Variants in MYT1 observed in about 807,000 individuals in gnomAD.
The protein encoded by MYT1 is myelin transcription factor I.
A neutral mutation model predicts 123.0 loss-of-function variants in MYT1; 23 were observed. The observed-to-expected ratio is 0.19, with a 90% CI of 0.13 to 0.26. The LOEUF (loss-of-function observed/expected upper bound fraction) is 0.26, where lower values mean the gene tolerates loss of function less well. Ranked by LOEUF, MYT1 falls within the 10% of genes least tolerant of loss-of-function variation. The pLI, the probability that MYT1 is intolerant of heterozygous loss-of-function variation, is 1.00. For synonymous variants in MYT1, 518 were observed against 575.3 expected, an observed-to-expected ratio of 0.90 and a Z score of 1.43; for missense variants, 1,125 against 1,472.5, an observed-to-expected ratio of 0.76 and a Z score of 3.86.
chr20:64,205,308 G>C (rs1185815356), intron 5 of MYT1, among the ~76,000 whole-genome samples: 1 of 140,456 alleles, frequency 7.1e-6, no homozygotes, highest in African/African-American at 2.5e-5. Flanking sequence ...CTGACCTCCC[G>C]CGAGGCAGCG....
At chr20:64,179,470 G>A (rs1174322710) in intron 1 of MYT1, among the ~76,000 whole-genome samples, 1 of 152,168 alleles carries the variant, frequency 6.6e-6, no homozygotes, top group African/African-American at 2.4e-5. Context: ...ATATTTGGGG[G>A]GAAGGTACTT....
chr20:64,231,481 C>T lies in MYT1; in HGVS notation c.2676-683C>T, dbSNP rs781334249. On this transcript the variant is annotated intron_variant, in intron 18 of 22. Transcript: ENST00000328439. The surrounding 1 kb of genome is among the most constrained non-coding windows in gnomAD (Gnocchi z 6.4). ...TATCCCTCTCCTGGAACACCCAGAACGAAGGAAAGGAAAACACCATTTAAG... is the reference window on the plus strand; with the variant it reads ...TATCCCTCTCCTGGAACACCCAGAATGAAGGAAAGGAAAACACCATTTAAG... Among the ~76,000 whole-genome samples, 3 of 152,222 alleles carry T rather than the reference C, an allele frequency of 2.0e-5. No homozygotes were observed. The highest frequency in any genetic ancestry group is 7.2e-5 in the African/African-American group (3 of 41,458).
At position 64,221,944 on chromosome 20, in the gene MYT1, G is replaced by T; in HGVS notation, c.2293G>T (p.Val765Leu). 6.2e-7 allele frequency: 1 copy of T among 1,613,844 alleles called. No individual in the cohort carries two copies. Among genetic ancestry groups the T allele is most frequent in the Middle Eastern group, 1.7e-4 (1 of 5,782 alleles). ...TTCTTCTGAAGCAGATGACCAGGAA[G>T]TGTCGGAAGAGAATTTTGAGGAGCG... ...FASSEADDQE[V>L]SEENFEERKY... The change falls in exon 14 of 23, where the codon GTG becomes TTG. Residue 765 changes from valine to leucine, a missense_variant. Val to Leu is a conservative substitution (Grantham distance 32). Around this residue, in one of 4 missense-constraint regions of MYT1, gnomAD observed 429 missense variants for 604.1 expected, o/e 0.71. Transcript: ENST00000328439.
At chr20:64,178,789 C>T (rs1454081593) in intron 1 of MYT1, among the ~76,000 whole-genome samples, 4 of 129,716 alleles carry the variant, frequency 3.1e-5, no homozygotes. Flanking sequence ...TGCCCTTCAA[C>T]GTGGGAGCAC....
At position 64,240,479 on chromosome 20, in the gene MYT1, A is replaced by C; in HGVS notation, c.*31A>C. On this transcript the variant is annotated 3_prime_UTR_variant, in exon 23 of 23. Coordinates refer to ENST00000328439, the MANE Select transcript of MYT1 (RefSeq NM_004535.3). ...GTGGTACCCAGAAGTGTCCCAGCCC[A>C]CCACACCGTTTACCTCCCTCGCCCT... 6.2e-7 allele frequency: 1 copy of C among 1,602,718 alleles called. No homozygotes were observed. The highest frequency in any genetic ancestry group is 8.5e-7 in the Non-Finnish European group (1 of 1,175,490).
At chr20:64,206,374 T>C (rs2145715466) in intron 6 of MYT1, among the ~76,000 whole-genome samples, 1 of 152,240 alleles carries the variant, frequency 6.6e-6, no homozygotes, top group Middle Eastern at 3.4e-3. Flanking sequence ...GTCCCCCACT[T>C]CCTTGTGGGG....
intron 19 of MYT1, 100 bp from the exon 20 acceptor site, chr20:64,236,455 G>A: frequency 1.1e-6 from 1 of 877,944 alleles, no homozygotes; most frequent in Non-Finnish European, 1.8e-6. Context: ...CCCGGGGCTG[G>A]CCGTGGTATG....
In MYT1 at chr20:64,167,128, C is replaced by T. The variant is rs1240828606; in HGVS notation, c.-99+2389C>T. Among the ~76,000 whole-genome samples, 2 of 152,204 alleles carry T rather than the reference C, an allele frequency of 1.3e-5. No homozygotes were observed. Among genetic ancestry groups the T allele is most frequent in the African/African-American group, 4.8e-5 (2 of 41,450 alleles). The stretch of plus-strand genomic sequence containing the variant: ...AGCCTGACTAACTGTCTTCCTGGTG[C>T]TGCTCAGTCTGGTGATGTCTGGGCC... On this transcript the variant is annotated intron_variant, in intron 1 of 22. Coordinates refer to ENST00000328439, the MANE Select transcript of MYT1 (RefSeq NM_004535.3). This position sits in a 1 kb window ranked among gnomAD's most constrained non-coding sequence, Gnocchi z 6.3.
At chr20:64,235,951 G>C (rs1256570151) in intron 19 of MYT1, among the ~76,000 whole-genome samples, 1 of 146,766 alleles carries the variant, frequency 6.8e-6, no homozygotes, top group Non-Finnish European at 1.5e-5. Flanking sequence ...CCCTGGGCTG[G>C]ACGTGGTGGG....
Position 64,166,564 on chromosome 20 carries a change from G to T in MYT1, c.-99+1825G>T, listed in dbSNP as rs557926618. ...CCTCTTCAGAGACCCGAGGCAGGGG[G>T]GCTGCTTCTGTCCAAAGTGCCACTC... On this transcript the variant is annotated intron_variant, in intron 1 of 22. Transcript: ENST00000328439. The surrounding 1 kb of genome is among the most constrained non-coding windows in gnomAD (Gnocchi z 4.9). 6.6e-6 allele frequency among the ~76,000 whole-genome samples: 1 copy of T among 152,142 alleles called. No individual in the cohort carries two copies. The highest frequency in any genetic ancestry group is 2.4e-5 in the African/African-American group (1 of 41,434).
Position 64,222,028 on chromosome 20 carries a change from A to C in MYT1, c.2377A>C (p.Ile793Leu). ...TAAGCTGAAGTTTCTCTCCAAGGAC[A>C]TAAAGAAGGAGCTGCTCACGTAAGT... is the stretch of plus-strand genomic sequence containing the variant. ...NFKLKFLSKD[I>L]KKELLTCPTP... Residue 793 changes from isoleucine (I) to leucine (L), a missense_variant, in exon 14 of 23, where the codon ATA becomes CTA. Physicochemically the swap from Ile to Leu is conservative, Grantham distance 5. Transcript: ENST00000328439. The C allele has an allele frequency of 6.2e-7, 1 of 1,612,866 alleles. No individual in the cohort carries two copies. The highest frequency in any genetic ancestry group is 8.5e-7 in the Non-Finnish European group (1 of 1,179,988).
chr20:64,204,889 G>A (rs534028709), intron 4 of MYT1, 146 bp from the exon 5 acceptor site: 19 of 690,296 alleles, frequency 2.8e-5, no homozygotes, highest in African/African-American at 2.7e-4. Flanking sequence ...TGAATGGGGC[G>A]AGTTATTAAT....
chr20:64,172,007 C>T (rs1488626951), intron 1 of MYT1, among the ~76,000 whole-genome samples: 4 of 152,184 alleles, frequency 2.6e-5, no homozygotes, highest in African/African-American at 9.7e-5. Flanking sequence ...TGAGCTCTCC[C>T]CCTGCCAGCC....
intron 21 of MYT1, among the ~76,000 whole-genome samples, chr20:64,238,954 C>T (rs1361989901): frequency 6.6e-6 from 1 of 152,224 alleles, no homozygotes; most frequent in East Asian, 1.9e-4. Context: ...CCTTTCAAAG[C>T]CACATGCTTG....
chr20:64,170,702 T>A (rs1320945388), intron 1 of MYT1, among the ~76,000 whole-genome samples: 1 of 150,472 alleles, frequency 6.6e-6, no homozygotes, highest in Non-Finnish European at 1.5e-5. Context: ...TTATTTAGAG[T>A]TTTGTGCTTC....
chr20:64,213,655 AG>A lies in MYT1; in HGVS notation c.1631+9del. ...TTCCGATCGGATCCTCAGGTGAGTG[AG>A]ATGAGCCACAGAACTGAAGAGGCTG... On this transcript the variant is annotated intron_variant, in intron 10 of 22. Coordinates refer to ENST00000328439, the MANE Select transcript of MYT1 (RefSeq NM_004535.3). This position sits in a 1 kb window ranked among gnomAD's most constrained non-coding sequence, Gnocchi z 5.6. The A allele has an allele frequency of 6.2e-7, 1 of 1,611,446 alleles. No individual in the cohort carries two copies. Among genetic ancestry groups the A allele is most frequent in the Non-Finnish European group, 8.5e-7 (1 of 1,177,866 alleles).
chr20:64,178,035 CAG>C (rs1395575657), intron 1 of MYT1, among the ~76,000 whole-genome samples: 1 of 152,166 alleles, frequency 6.6e-6, no homozygotes, highest in African/African-American at 2.4e-5. Context: ...AGTCCTGGGA[CAG>C]AGGGAGGTGG....
In MYT1 at chr20:64,205,685, T is replaced by C; in HGVS notation, c.282T>C (p.Ser94=). 1.9e-6 allele frequency: 3 copies of C among 1,614,056 alleles called. No homozygotes were observed. The highest frequency in any genetic ancestry group is 1.3e-5 in the African/African-American group (1 of 75,010). ...DEGYGVDSDG[S]EDTEVKDASV... ...GCTATGGTGTGGACAGCGACGGCAG[T>C]GAGGACACTGAGGTGAAGGACGCCT... Residue 94 remains serine, a synonymous_variant, in exon 6 of 23, where the codon AGT becomes AGC. Transcript: ENST00000328439.
rs1984325315 is a variant in MYT1, at chr20:64,231,686, G to A, written c.2676-478G>A. Reference sequence around the variant, plus strand: ...GGTGACAGGCCTCTGCTGTCCCTGAGCTCCCCTGCTTAGGGGACCTTGTCA... The same window carrying A: ...GGTGACAGGCCTCTGCTGTCCCTGAACTCCCCTGCTTAGGGGACCTTGTCA... On this transcript the variant is annotated intron_variant, in intron 18 of 22. Transcript: ENST00000328439. This position sits in a 1 kb window ranked among gnomAD's most constrained non-coding sequence, Gnocchi z 6.4. Among the ~76,000 whole-genome samples the A allele has an allele frequency of 6.6e-6, 1 of 152,162 alleles. No individual in the cohort carries two copies. Among genetic ancestry groups the A allele is most frequent in the Non-Finnish European group, 1.5e-5 (1 of 68,018 alleles).
Sources: gnomAD v4.1 joint callset for allele counts (sites outside exome capture counted in the v4.1 genomes callset) on GRCh38, gnomAD v4.1.1 for gene constraint, gnomAD v4.1.1 regional missense constraint, Gnocchi (gnomAD v3.1) non-coding constraint, MANE v1.5 for transcripts, NCBI Gene and HGNC (gene_info 2026-07-23, HGNC 2026-07-21) for gene names.